MTMR7: variants seen among roughly 807,000 people sequenced by gnomAD.
MTMR7 encodes the protein myotubularin related protein 7.
MTMR7 carries 76 observed loss-of-function variants against 81.2 expected under a neutral mutation model. That is an observed-to-expected ratio of 0.94 (90% CI 0.78 to 1.13). The LOEUF (loss-of-function observed/expected upper bound fraction) is 1.13. Among genes scored for constraint, MTMR7 ranks in the 50% most tolerant of loss-of-function variants. MTMR7 has a pLI of 0.00. For synonymous variants in MTMR7, 372 were observed against 289.8 expected (o/e 1.28, Z -2.88); for missense variants, 1,044 against 820.0 (o/e 1.27, Z -3.34).
At chr8:17,330,828 C>T (rs1818962239) in intron 7 of MTMR7, among the ~76,000 whole-genome samples, 2 of 152,126 alleles carry the variant, frequency 1.3e-5, no homozygotes, top group Admixed American at 1.3e-4. Flanking sequence ...TGTAGGATTG[C>T]CTTATTCCTA....
intron 1 of MTMR7, among the ~76,000 whole-genome samples, chr8:17,410,641 TG>T (rs771897658): frequency 7.7e-4 from 118 of 152,322 alleles, no homozygotes; most frequent in Non-Finnish European, 1.2e-3. Context: ...GCTTAGCATA[TG>T]CTCTGTTAAA....
At chr8:17,306,413 C>T (rs1341611619) in intron 10 of MTMR7, among the ~76,000 whole-genome samples, 2 of 151,914 alleles carry the variant, frequency 1.3e-5, no homozygotes, top group Non-Finnish European at 2.9e-5. Flanking sequence ...AGTGGTTTCC[C>T]AAGTTGCCAA....
intron 7 of MTMR7, among the ~76,000 whole-genome samples, chr8:17,323,245 C>T (rs1818500917): frequency 6.6e-6 from 1 of 152,026 alleles, no homozygotes. Flanking sequence ...CCACACCCAG[C>T]CAACAGAATT....
intron 3 of MTMR7, 74 bp downstream of exon 3, chr8:17,370,963 A>G (rs1013150604): frequency 2.0e-6 from 3 of 1,479,454 alleles, no homozygotes; most frequent in Admixed American, 1.8e-5. Context: ...CCTAAGCACC[A>G]TACAAATTCT....
At chr8:17,395,551 T>C (rs1471758531) in intron 1 of MTMR7, among the ~76,000 whole-genome samples, 1 of 152,202 alleles carries the variant, frequency 6.6e-6, no homozygotes, top group African/African-American at 2.4e-5. Flanking sequence ...GCACAAGGGT[T>C]CCAATTTCTC....
rs1005101293 is a variant in MTMR7 at position 17,297,945 on chromosome 8, A to C, written c.*1917T>G. 9 of 152,128 alleles carry C rather than the reference A, an allele frequency of 5.9e-5. No homozygotes were observed. The highest frequency in any genetic ancestry group is 2.2e-4 in the African/African-American group (9 of 41,472). 9.4% of individuals were successfully genotyped at this position (152,128 alleles called of 1,614,324 possible). A position where few individuals can be genotyped will look rare whatever the true frequency, so the allele number is the denominator to read the frequency against. On this transcript the variant is annotated 3_prime_UTR_variant, in exon 14 of 14. Coordinates refer to ENST00000180173, the MANE Select transcript of MTMR7 (RefSeq NM_004686.5). The stretch of plus-strand genomic sequence containing the variant: ...TTATGACTCTGATATGGAAGTTGTC[A>C]TATTAAAAAACTACATTTTAAAACA...
intron 4 of MTMR7, among the ~76,000 whole-genome samples, chr8:17,360,091 G>A (rs1820014741): frequency 6.6e-6 from 1 of 152,112 alleles, no homozygotes; most frequent in Non-Finnish European, 1.5e-5. Flanking sequence ...GCCATACTTA[G>A]GTAATACTAT....
At position 17,302,285 on chromosome 8, in the gene MTMR7, A is replaced by G; in HGVS notation, c.1494-5T>C. 1 of 1,612,196 alleles carries G rather than the reference A, an allele frequency of 6.2e-7. No individual in the cohort carries two copies. Among genetic ancestry groups the G allele is most frequent in the Non-Finnish European group, 8.5e-7 (1 of 1,179,274 alleles). On this transcript the variant is annotated splice_polypyrimidine_tract_variant and splice_region_variant and intron_variant, in intron 12 of 13. Transcript: ENST00000180173. ...TTATACATTCCACTCCAAAACCTGG[A>G]AAGGATGGCAAAGCGTCGTGATACC...
At chr8:17,375,330 T>C (rs1403579911) in intron 1 of MTMR7, among the ~76,000 whole-genome samples, 1 of 152,102 alleles carries the variant, frequency 6.6e-6, no homozygotes, top group East Asian at 1.9e-4. Context: ...TTTTCAGAGA[T>C]CTACTGAGGT....
At chr8:17,309,780 C>G (rs1009096014) in intron 9 of MTMR7, among the ~76,000 whole-genome samples, 4 of 152,268 alleles carry the variant, frequency 2.6e-5, no homozygotes, top group South Asian at 2.1e-4. Flanking sequence ...TGCTGCCTCT[C>G]AGTGTAATGT....
At chr8:17,333,117 T>C (rs1045506708) in intron 6 of MTMR7, among the ~76,000 whole-genome samples, 1 of 152,178 alleles carries the variant, frequency 6.6e-6, no homozygotes, top group East Asian at 1.9e-4. Flanking sequence ...CCCTGCTCCA[T>C]GACGTGGCTT....
Position 17,302,280 on chromosome 8 carries a change from C to A in MTMR7, c.1494G>T (p.Lys498Asn), listed in dbSNP as rs748327183. 1.2e-6 allele frequency: 2 copies of A among 1,612,706 alleles called. No individual in the cohort carries two copies. The highest frequency in any genetic ancestry group is 1.7e-6 in the Non-Finnish European group (2 of 1,179,468). Reference sequence around the variant, plus strand: ...AGCGGTTATACATTCCACTCCAAAACCTGGAAAGGATGGCAAAGCGTCGTG... The same window carrying A: ...AGCGGTTATACATTCCACTCCAAAAACTGGAAAGGATGGCAAAGCGTCGTG... The part of the protein sequence containing the change: ...LPTTPCNFMY[K>N]FWSGMYNRFE... The change falls in exon 13 of 14, where the codon AAG becomes AAT. Residue 498 changes from lysine (K) to asparagine (N), a missense_variant and splice_region_variant. Lys to Asn is a moderately conservative substitution (Grantham distance 94, BLOSUM62 0). Transcript: ENST00000180173.
At chr8:17,404,409 T>G (rs1343961569) in intron 1 of MTMR7, among the ~76,000 whole-genome samples, 2 of 152,144 alleles carry the variant, frequency 1.3e-5, no homozygotes, top group Non-Finnish European at 2.9e-5. Flanking sequence ...GAAATTGAGG[T>G]ACCTATTAGA....
chr8:17,393,140 A>C (rs983506646), intron 1 of MTMR7, among the ~76,000 whole-genome samples: 8 of 152,216 alleles, frequency 5.3e-5, no homozygotes, highest in African/African-American at 1.9e-4. Flanking sequence ...TAAAGAATCA[A>C]TTTTCAACAA....
intron 6 of MTMR7, among the ~76,000 whole-genome samples, chr8:17,331,535 C>T (rs1212456220): frequency 6.6e-6 from 1 of 152,190 alleles, no homozygotes; most frequent in East Asian, 1.9e-4. Context: ...TACTGATAAA[C>T]CCTTCTGGAG....
chr8:17,368,566 C>T (rs1463529263), intron 3 of MTMR7, among the ~76,000 whole-genome samples: 1 of 152,186 alleles, frequency 6.6e-6, no homozygotes, highest in African/African-American at 2.4e-5. Flanking sequence ...ACCCCATCCC[C>T]CAGTTGAAGG....
intron 7 of MTMR7, among the ~76,000 whole-genome samples, chr8:17,317,960 G>A (rs1182198005): frequency 1.3e-5 from 2 of 152,004 alleles, no homozygotes; most frequent in African/African-American, 4.8e-5. Context: ...GAGGAGGTGG[G>A]TAAGTTATTA....
chr8:17,300,350 ATG>A (rs1381628605), intron 13 of MTMR7, 126 bp from the exon 14 acceptor site: 3 of 1,064,558 alleles, frequency 2.8e-6, no homozygotes, highest in Non-Finnish European at 3.9e-6. Flanking sequence ...ACTCAGAGGG[ATG>A]TGAGTTCAAA....
chr8:17,309,490 T>C (rs568190444), intron 9 of MTMR7, among the ~76,000 whole-genome samples, 164 bp from the exon 10 acceptor site: 29 of 152,308 alleles, frequency 1.9e-4, no homozygotes. Context: ...GAGATGCACA[T>C]GGCAAAGGCA....
Sources: gnomAD v4.1 joint callset for allele counts (sites outside exome capture counted in the v4.1 genomes callset) on GRCh38, gnomAD v4.1.1 for gene constraint, MANE v1.5 for transcripts, NCBI Gene and HGNC (gene_info 2026-07-23, HGNC 2026-07-21) for gene names.